CCNH: variants seen among roughly 807,000 people sequenced by gnomAD.
CCNH encodes the protein cyclin H.
In CCNH, 31 loss-of-function variants were observed where a neutral mutation model predicts 41.9. The observed-to-expected ratio is 0.74, with a 90% CI of 0.56 to 1.00. The LOEUF is 1.00. Among genes scored for constraint, CCNH ranks in the 50% least tolerant of loss-of-function variants. CCNH has a pLI of 0.00. For synonymous variants in CCNH, 138 were observed against 136.1 expected (o/e 1.01, Z -0.10); for missense variants, 362 against 388.4 (o/e 0.93, Z 0.57).
chr5:87,362,478 G>A, intron 9 of CCNH: 1 of 1,454,652 alleles, frequency 6.9e-7, no homozygotes, highest in Non-Finnish European at 9.5e-7. Flanking sequence ...GCTTTTAATT[G>A]GTACTTTTAT....
intron 4 of CCNH, among the ~76,000 whole-genome samples, chr5:87,406,996 G>C (rs770174354): frequency 3.3e-5 from 5 of 152,088 alleles, no homozygotes; most frequent in Non-Finnish European, 5.9e-5. Flanking sequence ...TGTCTCCACA[G>C]TCTAGACTCT....
intron 9 of CCNH, chr5:87,346,532 TAATAAG>T (rs1758872382): frequency 2.0e-6 from 1 of 509,328 alleles, no homozygotes. Flanking sequence ...TATTAAAATG[TAATAAG>T]AATGAGATGA....
chr5:87,316,613 A>G (rs1386031837), downstream of CCNH, among the ~76,000 whole-genome samples: 4 of 152,148 alleles, frequency 2.6e-5, no homozygotes, highest in Admixed American at 1.3e-4. Flanking sequence ...GATTGAGAAC[A>G]TGGAGAGTGG....
chr5:87,396,633 CA>C (rs143264424), intron 7 of CCNH, among the ~76,000 whole-genome samples: 1,811 of 151,914 alleles, frequency 0.012, 27 homozygotes, highest in African/African-American at 0.041. Context: ...AACAAACAAA[CA>C]AACAAAAAAG....
chr5:87,354,740 A>G (rs1426432890), intron 9 of CCNH, among the ~76,000 whole-genome samples: 1 of 152,200 alleles, frequency 6.6e-6, no homozygotes, highest in African/African-American at 2.4e-5. Context: ...GCTGAAAGCT[A>G]GGTCTCTTGC....
At chr5:87,380,544 C>T (rs768807181), upstream of CCNH, 1 of 1,613,362 alleles carries the variant, frequency 6.2e-7, no homozygotes, top group South Asian at 1.1e-5. Context: ...TTACAGAAAT[C>T]TGTTCAGCAT....
intron 9 of CCNH, among the ~76,000 whole-genome samples, chr5:87,350,182 GTTC>G (rs1759157466): frequency 6.6e-6 from 1 of 151,756 alleles, no homozygotes; most frequent in Admixed American, 6.6e-5. Flanking sequence ...ACAAAAACAA[GTTC>G]TTCTAGTTGC....
At chr5:87,335,419 G>GTTTTTTT (rs34986349) in intron 9 of CCNH, among the ~76,000 whole-genome samples, 25 of 72,924 alleles carry the variant, frequency 3.4e-4, no homozygotes, top group South Asian at 6.5e-4. Context: ...AAAGAATGAG[G>GTTTTTTT]TTTTTTTTTT....
At chr5:87,367,405 G>C (rs1325435838) in intron 9 of CCNH, among the ~76,000 whole-genome samples, 1 of 152,140 alleles carries the variant, frequency 6.6e-6, no homozygotes, top group Non-Finnish European at 1.5e-5. Flanking sequence ...TTAGCATTTA[G>C]AAGAAGACTA....
chr5:87,395,357 A>G (rs887877092), intron 7 of CCNH, among the ~76,000 whole-genome samples: 2 of 152,210 alleles, frequency 1.3e-5, no homozygotes, highest in Admixed American at 6.5e-5. Flanking sequence ...CTGACCTAGG[A>G]AAGAGTGTGA....
chr5:87,370,005 C>T, intron 9 of CCNH: 2 of 952,568 alleles, frequency 2.1e-6, no homozygotes, highest in South Asian at 3.0e-5. Flanking sequence ...TGACAGAACG[C>T]CTGAAATCTA....
At chr5:87,341,922 C>T (rs1449385562) in intron 9 of CCNH, among the ~76,000 whole-genome samples, 1 of 152,062 alleles carries the variant, frequency 6.6e-6, no homozygotes, top group Non-Finnish European at 1.5e-5. Flanking sequence ...TTTGCTTTTT[C>T]TGTTTTCTAA....
At chr5:87,407,218 C>A (rs568369677) in intron 4 of CCNH, among the ~76,000 whole-genome samples, 1 of 152,260 alleles carries the variant, frequency 6.6e-6, no homozygotes, top group South Asian at 2.1e-4. Context: ...AATCTGTTAT[C>A]TCCCTCTAAA....
At chr5:87,379,969 T>C (rs1236029523), upstream of CCNH, 3 of 1,056,674 alleles carry the variant, frequency 2.8e-6, no homozygotes, top group South Asian at 3.0e-5. Flanking sequence ...GAAAAAGTCA[T>C]GGTTAATCTT....
chr5:87,381,169 G>A (rs571179776), upstream of CCNH, among the ~76,000 whole-genome samples: 2 of 152,152 alleles, frequency 1.3e-5, no homozygotes, highest in Non-Finnish European at 1.5e-5. Flanking sequence ...GGGAGCTTAC[G>A]TAAGGTTACT....
At chr5:87,365,271 C>G (rs555750878) in intron 9 of CCNH, among the ~76,000 whole-genome samples, 1 of 152,084 alleles carries the variant, frequency 6.6e-6, no homozygotes, top group East Asian at 1.9e-4. Context: ...AATTATAACA[C>G]TCGAAATCAT....
At chr5:87,336,128 A>G (rs575784268) in intron 9 of CCNH, among the ~76,000 whole-genome samples, 7 of 152,346 alleles carry the variant, frequency 4.6e-5, no homozygotes, top group Admixed American at 1.3e-4. Context: ...ATGGGACTCC[A>G]GCAGTTTTCA....
At chr5:87,341,581 CATT>C (rs1438088063) in intron 9 of CCNH, among the ~76,000 whole-genome samples, 2 of 152,078 alleles carry the variant, frequency 1.3e-5, no homozygotes, top group Non-Finnish European at 2.9e-5. Context: ...ACATTTATAA[CATT>C]ATGAATGTCA....
intron 9 of CCNH, among the ~76,000 whole-genome samples, chr5:87,355,036 G>A (rs1688636941): frequency 1.3e-5 from 2 of 152,212 alleles, no homozygotes; most frequent in South Asian, 2.1e-4. Context: ...TAAGATTTAA[G>A]GAAAGATGCT....
Sources: allele counts gnomAD v4.1 joint callset (sites outside exome capture counted in the v4.1 genomes callset), GRCh38; gene constraint gnomAD v4.1.1; transcripts MANE v1.5; gene names NCBI Gene and HGNC (gene_info 2026-07-23, HGNC 2026-07-21).